Variants in NOC2L observed in about 807,000 individuals in gnomAD.
The protein encoded by NOC2L is NOC2 like nucleolar associated transcriptional repressor.
Under a neutral mutation model 94.2 loss-of-function variants are expected in NOC2L, and 101 were observed. The observed-to-expected ratio is 1.07, with a 90% CI of 0.91 to 1.26. The LOEUF (loss-of-function observed/expected upper bound fraction) is 1.26, where lower values mean the gene tolerates loss of function less well. NOC2L is among the 50% of genes most tolerant of loss of function. The probability of loss-of-function intolerance (pLI) is 0.00; values close to 1 mark genes in which losing one functional copy is unlikely to be tolerated. For synonymous variants in NOC2L, 531 were observed against 413.4 expected, an observed-to-expected ratio of 1.28 and a Z score of -3.45; for missense variants, 1,076 against 980.1, an observed-to-expected ratio of 1.10 and a Z score of -1.31.
rs113470822 is a variant in NOC2L, at chr1:944,805, G to C, written c.2144-5C>G. On this transcript the variant is annotated splice_polypyrimidine_tract_variant and splice_region_variant and intron_variant, in intron 18 of 18. Transcript: ENST00000327044. ...CCTCTGCGTCTGGGTCTCCATCTGC[G>C]GGGAGAGATGGAGGCTACATAAATT... 3 of 1,544,500 alleles carry C rather than the reference G, an allele frequency of 1.9e-6. No homozygotes were observed. The highest frequency in any genetic ancestry group is 1.8e-5 in the Admixed American group (1 of 55,168).
rs767695182 is a variant in NOC2L, at chr1:945,147, C to T, written c.2054-1G>A. 5.0e-6 allele frequency: 8 copies of T among 1,600,806 alleles called. No homozygotes were observed. Among genetic ancestry groups the T allele is most frequent in the Non-Finnish European group, 6.8e-6 (8 of 1,173,512 alleles). On this transcript the variant is annotated splice_acceptor_variant, in intron 17 of 18. Coordinates refer to ENST00000327044, the MANE Select transcript of NOC2L (RefSeq NM_015658.4). LOFTEE classifies it high-confidence loss of function. ...CGAGTGCTCAGGGGCCTCAGTATCC[C>T]TGAGGAACAAGAAGCAGAGTCCATA...
intron 6 of NOC2L, 117 bp downstream of exon 6, chr1:955,806 A>C (rs900945081): frequency 4.7e-5 from 42 of 902,706 alleles, no homozygotes; most frequent in Admixed American, 1.9e-4. Flanking sequence ...CAGGGTCCCC[A>C]AGAAGACGCT....
intron 16 of NOC2L, among the ~76,000 whole-genome samples, chr1:945,855 C>T (rs946284909): frequency 2.6e-5 from 4 of 152,230 alleles, no homozygotes; most frequent in Non-Finnish European, 5.9e-5. Context: ...CTTCTCCTCA[C>T]GGGCCCCTGG....
At chr1:955,813 C>G (rs1217657745) in intron 6 of NOC2L, 110 bp downstream of exon 6, 1 of 947,862 alleles carries the variant, frequency 1.1e-6, no homozygotes. Context: ...CCCAAGAAGA[C>G]GCTGGCTCTG....
intron 11 of NOC2L, 97 bp from the exon 12 acceptor site, chr1:951,335 C>G: frequency 1.1e-6 from 1 of 936,926 alleles, no homozygotes; most frequent in Admixed American, 2.0e-5. Context: ...TCACCGACAT[C>G]AGACCCCTAA....
At chr1:955,648 C>T (rs1006560328) in intron 6 of NOC2L, among the ~76,000 whole-genome samples, 1 of 152,212 alleles carries the variant, frequency 6.6e-6, no homozygotes, top group East Asian at 1.9e-4. Context: ...CTGGGAAAAT[C>T]TGAGAGCAAA....
chr1:944,520 G>A lies in NOC2L; in HGVS notation c.*174C>T. The A allele has an allele frequency of 6.4e-6, 4 of 628,194 alleles. No homozygotes were observed. Among genetic ancestry groups the A allele is most frequent in the Non-Finnish European group, 1.1e-5 (4 of 373,132 alleles). The allele number at this position is 628,194 out of a possible 1,614,324, so 38.9% of individuals were successfully genotyped here. ...TCAGCAGCCACACCAGCCCAGCCCA[G>A]CCCAGCTCTCGATACGTTTGGTCTT... On this transcript the variant is annotated 3_prime_UTR_variant, in exon 19 of 19. Transcript: ENST00000327044.
At chr1:957,661 G>C (rs138465571) in intron 2 of NOC2L, 20 of 209,724 alleles carry the variant, frequency 9.5e-5, no homozygotes, top group African/African-American at 4.3e-4. Flanking sequence ...CTTGTCATCA[G>C]ATCTCATCAG....
chr1:948,361 C>T, intron 13 of NOC2L, 129 bp from the exon 14 acceptor site: 1 of 1,049,248 alleles, frequency 9.5e-7, no homozygotes. Context: ...GGCTCCTGGG[C>T]CCCAGCCCTG....
chr1:957,237 C>T lies in NOC2L; in HGVS notation c.216G>A (p.Gln72=), dbSNP rs751376082. 2.5e-6 allele frequency: 4 copies of T among 1,613,874 alleles called. No individual in the cohort carries two copies. Among genetic ancestry groups the T allele is most frequent in the Non-Finnish European group, 2.5e-6 (3 of 1,180,032 alleles). Residue 72 remains glutamine, a synonymous_variant, in exon 3 of 19, where the codon CAG becomes CAA. Transcript: ENST00000327044. ...GGTCTCTGTCCTTCAGCCGAGAGAGCTGGTCTTTGTGCTCAGAGGCACGGC... is the reference window on the plus strand; with the variant it reads ...GGTCTCTGTCCTTCAGCCGAGAGAGTTGGTCTTTGTGCTCAGAGGCACGGC... ...RKGRASEHKD[Q]LSRLKDRDPE...
At position 945,506 on chromosome 1, in the gene NOC2L, C is replaced by T. The variant is rs536004461; in HGVS notation, c.2053+12G>A. The T allele has an allele frequency of 1.1e-5, 17 of 1,613,166 alleles. 1 individual carries two copies. Among genetic ancestry groups the T allele is most frequent in the South Asian group, 8.8e-5 (8 of 91,062 alleles). ...GCCCACCCTTCCCCTGGGAGCACCA[C>T]GCAGGCCCCACCTCTCTCCGAGAAT... On this transcript the variant is annotated intron_variant, in intron 17 of 18. Coordinates refer to ENST00000327044, the MANE Select transcript of NOC2L (RefSeq NM_015658.4).
At position 944,228 on chromosome 1, in the gene NOC2L, C is replaced by G; in HGVS notation, c.*466G>C. On this transcript the variant is annotated 3_prime_UTR_variant, in exon 19 of 19. Coordinates refer to ENST00000327044, the MANE Select transcript of NOC2L (RefSeq NM_015658.4). ...TCAACACAATGGCCCTGCCTCCCAC[C>G]GCTTTATTTCTTTCGGTTTCGGATG... 1 of 1,458,160 alleles carries G rather than the reference C, an allele frequency of 6.9e-7. No individual in the cohort carries two copies. Among genetic ancestry groups the G allele is most frequent in the Non-Finnish European group, 9.0e-7 (1 of 1,106,038 alleles). 90.3% of individuals were successfully genotyped at this position (1,458,160 alleles called of 1,614,324 possible).
chr1:950,039 CCCTA>C (rs1642210190), intron 12 of NOC2L, among the ~76,000 whole-genome samples: 1 of 152,364 alleles, frequency 6.6e-6, no homozygotes, highest in East Asian at 1.9e-4. Flanking sequence ...TCCAATCTTT[CCCTA>C]CCTGAGTGGC....
Position 950,962 on chromosome 1 carries a change from A to G in NOC2L, c.1443+165T>C, listed in dbSNP as rs111888583. Among the ~76,000 whole-genome samples the G allele has an allele frequency of 2.3e-3, 343 of 152,228 alleles. 3 individuals are homozygous for G. Among genetic ancestry groups the G allele is most frequent in the African/African-American group, 7.9e-3 (329 of 41,530 alleles). On this transcript the variant is annotated intron_variant, in intron 12 of 18. Coordinates refer to ENST00000327044, the MANE Select transcript of NOC2L (RefSeq NM_015658.4). Reference sequence around the variant, plus strand: ...CCCCAGTGGTCCCACGTTCCCCAACACTGCCCCCAGCACACGGAGGAGCAC... The same window carrying G: ...CCCCAGTGGTCCCACGTTCCCCAACGCTGCCCCCAGCACACGGAGGAGCAC...
In NOC2L at chr1:953,906, G is replaced by A. The variant is rs138652400; in HGVS notation, c.778-14C>T. ...ACAGGACACCAGCTGGGGGCAGGAG[G>A]GGACAGTGAAGCCCCAAACCCATGT... On this transcript the variant is annotated splice_polypyrimidine_tract_variant and intron_variant, in intron 7 of 18. Transcript: ENST00000327044. The A allele has an allele frequency of 1.7e-3, 2,672 of 1,612,014 alleles. 47 individuals carry two copies. The African/African-American group carries it at 0.031, about 19-fold the overall frequency.
At chr1:953,600 C>G (rs747735503) in intron 8 of NOC2L, among the ~76,000 whole-genome samples, 182 bp downstream of exon 8, 5 of 152,262 alleles carry the variant, frequency 3.3e-5, no homozygotes, top group Non-Finnish European at 7.3e-5. Flanking sequence ...CAGGCAGGGA[C>G]TGCCTGAGAC....
Position 944,314 on chromosome 1 carries a change from C to G in NOC2L, c.*380G>C. On this transcript the variant is annotated 3_prime_UTR_variant, in exon 19 of 19. Coordinates refer to ENST00000327044, the MANE Select transcript of NOC2L (RefSeq NM_015658.4). ...AAGGAAAGGAACAAATTTTCAAAGA[C>G]TTGGGGGAGTGAAGGCAGAGCCTGG... The G allele has an allele frequency of 7.2e-7, 1 of 1,391,546 alleles. No individual in the cohort carries two copies. Among genetic ancestry groups the G allele is most frequent in the East Asian group, 2.7e-5 (1 of 36,698 alleles). The allele number at this position is 1,391,546 out of a possible 1,614,324, so 86.2% of individuals were successfully genotyped here.
At position 956,936 on chromosome 1, in the gene NOC2L, AG is replaced by A; in HGVS notation, c.443del (p.Pro148LeufsTer2). 1 of 1,614,082 alleles carries A rather than the reference AG, an allele frequency of 6.2e-7. No individual in the cohort carries two copies. Among genetic ancestry groups the A allele is most frequent in the Middle Eastern group, 1.7e-4 (1 of 6,052 alleles). On this transcript the variant is annotated frameshift_variant, in exon 4 of 19. Coordinates refer to ENST00000327044, the MANE Select transcript of NOC2L (RefSeq NM_015658.4). LOFTEE classifies it high-confidence loss of function. ...RGLKGKKNSV[P>X]VTVAMVERWK... The stretch of plus-strand genomic sequence containing the variant: ...ATCTCTCAACCATGGCGACGGTCAC[AG>A]GAACAGAATTCTTCTTCCCCTTCAG...
At position 950,165 on chromosome 1, in the gene NOC2L, C is replaced by A. The variant is rs189462431; in HGVS notation, c.1443+962G>T. The stretch of plus-strand genomic sequence containing the variant: ...AGGTGCACACACGCACAGGCACACA[C>A]AAGCAGACGTGCATGCATGCACCCA... On this transcript the variant is annotated intron_variant, in intron 12 of 18. Coordinates refer to ENST00000327044, the MANE Select transcript of NOC2L (RefSeq NM_015658.4). 5.2e-4 allele frequency among the ~76,000 whole-genome samples: 79 copies of A among 152,246 alleles called. 1 individual carries two copies. Among genetic ancestry groups the A allele is most frequent in the Middle Eastern group, 3.4e-3 (1 of 292 alleles).
Sources: allele counts gnomAD v4.1 joint callset (sites outside exome capture counted in the v4.1 genomes callset), GRCh38; gene constraint gnomAD v4.1.1; transcripts MANE v1.5; gene names NCBI Gene and HGNC (gene_info 2026-07-23, HGNC 2026-07-21).